The following NLRC5 variants were observed in gnomAD, a reference collection of about 807,000 sequenced individuals.
NLRC5 encodes the protein protein NLRC5.
NLRC5 carries 114 observed loss-of-function variants against 206.9 expected under a neutral mutation model. The observed-to-expected ratio is 0.55, with a 90% confidence interval of 0.47 to 0.64. The LOEUF (loss-of-function observed/expected upper bound fraction) is 0.64. Among genes scored for constraint, NLRC5 ranks in the 30% least tolerant of loss-of-function variants. The pLI is 0.00. For missense variants in NLRC5, 2,008 were observed against 2,305.5 expected (o/e 0.87, Z 2.64); for synonymous variants, 952 against 962.8 (o/e 0.99, Z 0.21).
At chr16:57,077,841 C>T (rs554473633) in intron 42 of NLRC5, 39 bp downstream of exon 42, 19 of 1,588,684 alleles carry the variant, frequency 1.2e-5, no homozygotes, top group Middle Eastern at 3.4e-4. Flanking sequence ...CTCTGTGCCC[C>T]CCAGGTCCAC....
intron 1 of NLRC5, among the ~76,000 whole-genome samples, chr16:57,001,191 GTCC>G (rs2058200210): frequency 6.6e-6 from 1 of 152,110 alleles, no homozygotes; most frequent in South Asian, 2.1e-4. Context: ...CTCCCCCAGG[GTCC>G]CCAGGCCCTG....
rs375766180 is a variant in NLRC5, at chr16:57,052,222, C to T, written c.3506+601C>T. Reference sequence around the variant, plus strand: ...GTGTGGTGGCTCATGCCTGTAATCCCGGCACTTTGGGAGGCCGAGGCGGGC... The same window carrying T: ...GTGTGGTGGCTCATGCCTGTAATCCTGGCACTTTGGGAGGCCGAGGCGGGC... On this transcript the variant is annotated intron_variant, in intron 24 of 48. Coordinates refer to ENST00000688547, the MANE Select transcript of NLRC5 (RefSeq NM_001384950.1). 1.3e-4 allele frequency among the ~76,000 whole-genome samples: 20 copies of T among 152,270 alleles called. No individual in the cohort carries two copies. In the South Asian group the frequency reaches 3.9e-3, roughly 30 times the overall value.
At position 57,065,455 on chromosome 16, in the gene NLRC5, G is replaced by A. The variant is rs577302573; in HGVS notation, c.4241+157G>A. ...GGAGCTCCTGGGGCATATGTGAGGG[G>A]CTACACATTTGTTGGGACTAGTGCA... On this transcript the variant is annotated intron_variant, in intron 33 of 48. Coordinates refer to ENST00000688547, the MANE Select transcript of NLRC5 (RefSeq NM_001384950.1). 1.8e-4 allele frequency among the ~76,000 whole-genome samples: 27 copies of A among 152,276 alleles called. No individual in the cohort carries two copies. The South Asian group carries it at 5.2e-3, about 29-fold the overall frequency.
chr16:57,046,406 C>T, intron 21 of NLRC5, 146 bp from the exon 22 acceptor site: 1 of 629,562 alleles, frequency 1.6e-6, no homozygotes, highest in Non-Finnish European at 2.9e-6. Context: ...AGATGCCTTC[C>T]AGCCCTGACT....
At chr16:56,993,134 C>CACGTATATACGTGTATATATATAT (rs1445203454) in intron 1 of NLRC5, among the ~76,000 whole-genome samples, 1 of 81,804 alleles carries the variant, frequency 1.2e-5, no homozygotes, top group African/African-American at 3.6e-5. Flanking sequence ...TATATATATA[C>CACGTATATACGTGTATATATATAT]ACACACACAC....
At position 57,028,296 on chromosome 16, in the gene NLRC5, C is replaced by T; in HGVS notation, c.2160-6C>T. 6.2e-7 allele frequency: 1 copy of T among 1,613,238 alleles called. No homozygotes were observed. Among genetic ancestry groups the T allele is most frequent in the South Asian group, 1.1e-5 (1 of 91,058 alleles). On this transcript the variant is annotated splice_region_variant and splice_polypyrimidine_tract_variant and intron_variant, in intron 7 of 48. Coordinates refer to ENST00000688547, the MANE Select transcript of NLRC5 (RefSeq NM_001384950.1). ...TTCCTCCCCACCATCTTTGCTTACTCTGTAGGTTAGCAGGAAGTAAAATCA... is the reference window on the plus strand; with the variant it reads ...TTCCTCCCCACCATCTTTGCTTACTTTGTAGGTTAGCAGGAAGTAAAATCA...
chr16:57,009,021 G>T (rs766140062), intron 1 of NLRC5, among the ~76,000 whole-genome samples: 4 of 152,186 alleles, frequency 2.6e-5, no homozygotes, highest in Non-Finnish European at 4.4e-5. Context: ...GGCCGTGCAC[G>T]GTGGCTCACG....
At chr16:57,003,206 G>T (rs989563994) in intron 1 of NLRC5, among the ~76,000 whole-genome samples, 1 of 152,006 alleles carries the variant, frequency 6.6e-6, no homozygotes, top group Non-Finnish European at 1.5e-5. Flanking sequence ...CTGCCACCAC[G>T]CCTGGCTAAT....
rs767570864 is a variant in NLRC5, at chr16:57,022,253, C to T, written c.296-3C>T. ...CCACATTATACTCTCCCCTCTCTTG[C>T]AGGGTTCACCAGCCAGCTGGGAGCT... On this transcript the variant is annotated splice_region_variant and splice_polypyrimidine_tract_variant and intron_variant, in intron 3 of 48. Transcript: ENST00000688547. 9.3e-6 allele frequency: 15 copies of T among 1,610,934 alleles called. No individual in the cohort carries two copies. The African/African-American group carries it at 1.6e-4, about 17-fold the overall frequency.
At chr16:57,002,385 T>G (rs1362350785) in intron 1 of NLRC5, among the ~76,000 whole-genome samples, 1 of 152,066 alleles carries the variant, frequency 6.6e-6, no homozygotes, top group Non-Finnish European at 1.5e-5. Context: ...TGACCTCAGG[T>G]GATCCACCTG....
At chr16:56,994,043 C>T (rs554812531) in intron 1 of NLRC5, among the ~76,000 whole-genome samples, 15 of 151,018 alleles carry the variant, frequency 9.9e-5, no homozygotes, top group African/African-American at 3.2e-4. Context: ...AAAGGAAATA[C>T]GTTTGGGAAA....
intron 37 of NLRC5, 80 bp from the exon 38 acceptor site, chr16:57,070,455 G>T: frequency 7.9e-7 from 1 of 1,272,054 alleles, no homozygotes; most frequent in Non-Finnish European, 1.1e-6. Context: ...GACAGAGCAG[G>T]AGAGGGGAGC....
intron 8 of NLRC5, among the ~76,000 whole-genome samples, chr16:57,028,882 C>G (rs1205109982): frequency 1.3e-5 from 2 of 152,232 alleles, no homozygotes; most frequent in Non-Finnish European, 2.9e-5. Context: ...TGCCAGCACA[C>G]TCTAACTAAC....
At chr16:56,991,861 T>A (rs1438925389) in intron 1 of NLRC5, 1 of 152,194 alleles carries the variant, frequency 6.6e-6, no homozygotes, top group South Asian at 2.1e-4. Context: ...CCACAAAAGA[T>A]ATGCTGAAGG....
intron 1 of NLRC5, chr16:56,992,521 G>A (rs2057033605): frequency 1.3e-5 from 2 of 150,814 alleles, no homozygotes; most frequent in Admixed American, 1.3e-4. Context: ...CTGTTGCCTA[G>A]GCTGGAGTGC....
Position 57,010,905 on chromosome 16 carries a change from A to ATTTTT in NLRC5, c.-127-6169_-127-6168insTTTTT, listed in dbSNP as rs769417678. Among the ~76,000 whole-genome samples, 5 of 147,976 alleles carry ATTTTT rather than the reference A, an allele frequency of 3.4e-5. No individual in the cohort carries two copies. In the South Asian group the frequency reaches 6.3e-4, roughly 19 times the overall value. ...GTAAATGTTCTTGTGGCTTTTTTTA[A>ATTTTT]AAAAAAATCAAAATGTGCACATTAA... On this transcript the variant is annotated intron_variant, in intron 1 of 48. Coordinates refer to ENST00000688547, the MANE Select transcript of NLRC5 (RefSeq NM_001384950.1).
intron 19 of NLRC5, among the ~76,000 whole-genome samples, chr16:57,043,092 A>T (rs1597325398): frequency 6.6e-6 from 1 of 152,226 alleles, no homozygotes; most frequent in Middle Eastern, 3.4e-3. Flanking sequence ...AGAAAACAAT[A>T]ACAAGTTGAC....
rs375320923 is a variant in NLRC5, at chr16:57,055,005, G to A, written c.3597-27G>A. ...GCATCCTGAGGCTGTGGCCACAGCTGTCTGACCCAGGTCCTGTCTGATCCA... is the reference window on the plus strand; with the variant it reads ...GCATCCTGAGGCTGTGGCCACAGCTATCTGACCCAGGTCCTGTCTGATCCA... On this transcript the variant is annotated intron_variant, in intron 25 of 48. Transcript: ENST00000688547. 6 of 1,613,964 alleles carry A rather than the reference G, an allele frequency of 3.7e-6. No individual in the cohort carries two copies. The Admixed American group carries it at 1.0e-4, about 27-fold the overall frequency.
chr16:56,997,247 G>A (rs982415348), intron 1 of NLRC5, among the ~76,000 whole-genome samples: 5 of 152,108 alleles, frequency 3.3e-5, no homozygotes, highest in Admixed American at 6.6e-5. Flanking sequence ...TGCAGGAAAC[G>A]TGCCTGGAAA....
Sources: allele counts gnomAD v4.1 joint callset (sites outside exome capture counted in the v4.1 genomes callset), GRCh38; gene constraint gnomAD v4.1.1; transcripts MANE v1.5; gene names NCBI Gene and HGNC (gene_info 2026-07-23, HGNC 2026-07-21).